The following ECT2 variants were observed in gnomAD, a reference collection of about 807,000 sequenced individuals.
ECT2 encodes the protein protein ECT2.
Under a neutral mutation model 116.9 loss-of-function variants are expected in ECT2, and 61 were observed. The ratio of observed to expected loss-of-function variants is 0.52; its 90% CI spans 0.42 to 0.65. The LOEUF is 0.65. ECT2 is among the 30% of genes least tolerant of loss of function. The probability of loss-of-function intolerance (pLI) is 0.00; values close to 1 mark genes in which losing one functional copy is unlikely to be tolerated. For missense variants in ECT2, 937 were observed against 1,078.7 expected (o/e 0.87, Z 1.84); for synonymous variants, 358 against 346.4 (o/e 1.03, Z -0.37).
At chr3:172,814,090 C>T (rs192893416) in intron 22 of ECT2, among the ~76,000 whole-genome samples, 1 of 151,912 alleles carries the variant, frequency 6.6e-6, no homozygotes. Context: ...GATAAGCAAC[C>T]TAGAGTTATT....
chr3:172,815,520 C>T, intron 22 of ECT2, 84 bp from the exon 23 acceptor site: 1 of 767,264 alleles, frequency 1.3e-6, no homozygotes, highest in Non-Finnish European at 2.1e-6. Context: ...TATAAATACT[C>T]CCATATATAA....
chr3:172,798,016 C>T (rs1726047847), intron 18 of ECT2, among the ~76,000 whole-genome samples: 3 of 152,082 alleles, frequency 2.0e-5, no homozygotes, highest in Admixed American at 1.3e-4. Flanking sequence ...CAAATCAAAT[C>T]GTTTTAGTCT....
downstream of ECT2, among the ~76,000 whole-genome samples, chr3:172,823,154 A>G (rs1730755364): frequency 6.6e-6 from 1 of 152,168 alleles, no homozygotes; most frequent in African/African-American, 2.4e-5. Context: ...CAATTTAACC[A>G]ATACACTTAA....
At chr3:172,819,822 T>C (rs552575995) in intron 24 of ECT2, among the ~76,000 whole-genome samples, 2 of 152,268 alleles carry the variant, frequency 1.3e-5, no homozygotes, top group Admixed American at 1.3e-4. Context: ...TTTTTTCTTT[T>C]ATAACCTGAA....
chr3:172,812,473 A>G (rs746848619), intron 22 of ECT2, among the ~76,000 whole-genome samples: 1 of 152,158 alleles, frequency 6.6e-6, no homozygotes, highest in African/African-American at 2.4e-5. Flanking sequence ...AGCTAATTTT[A>G]CTGGATCTTT....
chr3:172,751,607 T>C (rs1246912380), intron 1 of ECT2, among the ~76,000 whole-genome samples: 1 of 152,248 alleles, frequency 6.6e-6, no homozygotes, highest in Non-Finnish European at 1.5e-5. Context: ...ACCACCATTA[T>C]ATCTTGGATT....
intron 13 of ECT2, among the ~76,000 whole-genome samples, chr3:172,772,214 C>T (rs146849884): frequency 6.6e-6 from 1 of 150,950 alleles, no homozygotes; most frequent in Non-Finnish European, 1.5e-5. Flanking sequence ...GTTGGCCAGG[C>T]TGGGAGAATT....
chr3:172,763,400 G>A (rs995599736), intron 11 of ECT2, among the ~76,000 whole-genome samples: 1 of 152,260 alleles, frequency 6.6e-6, no homozygotes, highest in African/African-American at 2.4e-5. Flanking sequence ...AAGGACATTC[G>A]TTAGAACCCC....
intron 22 of ECT2, among the ~76,000 whole-genome samples, chr3:172,813,496 T>C (rs1045177080): frequency 6.6e-6 from 1 of 152,130 alleles, no homozygotes; most frequent in African/African-American, 2.4e-5. Context: ...AGTGTTCTAG[T>C]ATAGAAAATT....
intron 1 of ECT2, among the ~76,000 whole-genome samples, chr3:172,753,414 AC>A (rs1442972680): frequency 6.6e-6 from 1 of 152,078 alleles, no homozygotes; most frequent in African/African-American, 2.4e-5. Flanking sequence ...AACTTGTTAA[AC>A]CTTTTATTCC....
chr3:172,758,844 G>A (rs1717622108), intron 5 of ECT2, 136 bp from the exon 6 acceptor site: 1 of 709,742 alleles, frequency 1.4e-6, no homozygotes, highest in East Asian at 3.0e-5. Context: ...GTTGCATATT[G>A]AAAAAATGCC....
intron 18 of ECT2, among the ~76,000 whole-genome samples, chr3:172,798,962 G>A (rs1413387242): frequency 1.3e-5 from 2 of 152,112 alleles, no homozygotes; most frequent in African/African-American, 4.8e-5. Flanking sequence ...GCAGACCCAG[G>A]AACCTTAAGA....
Position 172,758,987 on chromosome 3 carries a change from C to A in ECT2, c.494C>A (p.Pro165Gln). The change falls in exon 6 of 25, where the codon CCA (proline) becomes CAA (glutamine). Residue 165 changes from proline to glutamine, a missense_variant. By Grantham distance (76) the Pro-to-Gln change is moderately conservative (BLOSUM62 -1). Coordinates refer to ENST00000392692, the MANE Select transcript of ECT2 (RefSeq NM_001258315.2). ...AATTGTTGTATCCTTCAGCCTTTGC[C>A]ATTTTCATGTCGCCCGTTGTATTGT... ...LNCSQKGEPL[P>Q]FSCRPLYCTS... 1 of 1,608,920 alleles carries A rather than the reference C, an allele frequency of 6.2e-7. No individual in the cohort carries two copies. The highest frequency in any genetic ancestry group is 8.5e-7 in the Non-Finnish European group (1 of 1,178,530).
chr3:172,803,069 T>C, intron 20 of ECT2, 89 bp downstream of exon 20: 1 of 1,219,634 alleles, frequency 8.2e-7, no homozygotes, highest in Non-Finnish European at 1.1e-6. Context: ...TGAAGAGTAA[T>C]GTAGAATTTT....
intron 14 of ECT2, among the ~76,000 whole-genome samples, chr3:172,778,957 C>G (rs1295760929): frequency 6.6e-6 from 1 of 152,158 alleles, no homozygotes; most frequent in Non-Finnish European, 1.5e-5. Flanking sequence ...ACAGAGCAGA[C>G]TATATTTCAG....
intron 11 of ECT2, among the ~76,000 whole-genome samples, chr3:172,763,996 T>G (rs187222510): frequency 2.8e-4 from 43 of 152,046 alleles, no homozygotes; most frequent in Non-Finnish European, 5.9e-4. Flanking sequence ...CTTCTTGGAG[T>G]TGATGAGCTA....
rs1728063505 is a variant in ECT2, at chr3:172,807,843, G to A, written c.2319G>A (p.Met773Ile). Residue 773 changes from methionine to isoleucine, a missense_variant, in exon 22 of 25, where the codon ATG becomes ATA. Physicochemically the swap from Met to Ile is conservative, Grantham distance 10. Transcript: ENST00000392692. ...CAAATGTGCTACTCAGTTTCCAGAT[G>A]ACATCAGATGAACTTCCAAAAGAAA... ...EQANVLLSFQMTSDELPKENW... is the reference protein window; with the variant it reads ...EQANVLLSFQITSDELPKENW... 1 of 1,613,976 alleles carries A rather than the reference G, an allele frequency of 6.2e-7. No homozygotes were observed. Among genetic ancestry groups the A allele is most frequent in the Non-Finnish European group, 8.5e-7 (1 of 1,179,882 alleles).
downstream of ECT2, among the ~76,000 whole-genome samples, chr3:172,823,757 A>G (rs1427094384): frequency 2.0e-5 from 3 of 151,908 alleles, no homozygotes; most frequent in Non-Finnish European, 2.9e-5. Context: ...ATTGCTTACA[A>G]AAAAAAAGTT....
At chr3:172,771,621 A>G (rs919391693) in intron 13 of ECT2, among the ~76,000 whole-genome samples, 2 of 152,210 alleles carry the variant, frequency 1.3e-5, no homozygotes, top group Admixed American at 6.5e-5. Context: ...AAGCTATAGA[A>G]TAATTTTTTT....
Sources: gnomAD v4.1 joint callset for allele counts (sites outside exome capture counted in the v4.1 genomes callset) on GRCh38, gnomAD v4.1.1 for gene constraint, MANE v1.5 for transcripts, NCBI Gene and HGNC (gene_info 2026-07-23, HGNC 2026-07-21) for gene names.